The following HEPH variants were observed in gnomAD, a reference collection of about 807,000 sequenced individuals.
The protein encoded by HEPH is hephaestin.
HEPH carries 69 observed loss-of-function variants against 80.8 expected under a neutral mutation model. The observed-to-expected ratio is 0.85, with a 90% CI of 0.70 to 1.04. HEPH has a LOEUF of 1.04. Among genes scored for constraint, HEPH ranks in the 50% least tolerant of loss-of-function variants. The pLI is 0.00. For synonymous variants in HEPH, 431 were observed against 322.8 expected (o/e 1.34, Z -3.60); for missense variants, 1,115 against 891.3 (o/e 1.25, Z -3.20).
At chrX:66,186,926 A>G (rs2087485704) in intron 4 of HEPH, among the ~76,000 whole-genome samples, 1 of 110,510 alleles carries the variant, frequency 9.0e-6, no homozygotes, top group Non-Finnish European at 1.9e-5. Flanking sequence ...ATTTTTTCTT[A>G]TTCTTTTTTC....
At chrX:66,236,276 G>T (rs766283912) in intron 15 of HEPH, among the ~76,000 whole-genome samples, 1 of 111,369 alleles carries the variant, frequency 9.0e-6, no homozygotes, top group Non-Finnish European at 1.9e-5. Context: ...TTATTATTTT[G>T]AGATATGTTA....
chrX:66,163,496 A>T (rs2086250835), upstream of HEPH, among the ~76,000 whole-genome samples: 1 of 111,404 alleles, frequency 9.0e-6, no homozygotes. Context: ...TATAGTTAAT[A>T]TAAAATTTCA....
At chrX:66,183,900 T>C (rs1447991724) in intron 4 of HEPH, among the ~76,000 whole-genome samples, 1 of 14,063 alleles carries the variant, frequency 7.1e-5, no homozygotes, top group Non-Finnish European at 1.1e-4. Flanking sequence ...TGGTATGTGG[T>C]GTCTTTGTTC....
At chrX:66,164,241 C>A (rs781484906), upstream of HEPH, 10 of 752,060 alleles carry the variant, frequency 1.3e-5, no homozygotes, top group Middle Eastern at 7.4e-4. Context: ...CCCAGAGGAA[C>A]AGGACATTCC....
rs775805565 is a variant in HEPH, at chrX:66,170,936, G to A, written c.167+199G>A. On this transcript the variant is annotated intron_variant, in intron 2 of 20. Transcript: ENST00000343002. Reference sequence around the variant, plus strand: ...GCCAGCATTTCATCTGGAGTTTGCCGTAACATTTTTAGAGTCCTAAAGAGA... The same window carrying A: ...GCCAGCATTTCATCTGGAGTTTGCCATAACATTTTTAGAGTCCTAAAGAGA... 2.7e-5 allele frequency among the ~76,000 whole-genome samples: 3 copies of A among 111,458 alleles called. 1 individual carries two copies. The highest frequency in any genetic ancestry group is 5.7e-5 in the Non-Finnish European group (3 of 53,077).
chrX:66,245,064 G>A (rs891681545), intron 15 of HEPH, among the ~76,000 whole-genome samples: 31 of 111,284 alleles, frequency 2.8e-4, no homozygotes, highest in East Asian at 8.4e-4. Flanking sequence ...GGAAGAAACC[G>A]CATCAACTAA....
intron 6 of HEPH, among the ~76,000 whole-genome samples, chrX:66,191,682 A>G (rs1300426943): frequency 8.9e-6 from 1 of 112,082 alleles, no homozygotes; most frequent in Non-Finnish European, 1.9e-5. Flanking sequence ...ACAAATAATT[A>G]ACCCCTATTT....
chrX:66,255,346 CCTTAT>C (rs772898506), intron 16 of HEPH, among the ~76,000 whole-genome samples: 2 of 110,542 alleles, frequency 1.8e-5, no homozygotes, highest in South Asian at 7.9e-4. Flanking sequence ...AGATTTTCTT[CCTTAT>C]CTTTTCATTT....
At chrX:66,213,220 T>C (rs947702586) in intron 15 of HEPH, among the ~76,000 whole-genome samples, 2 of 106,949 alleles carry the variant, frequency 1.9e-5, no homozygotes, top group East Asian at 5.9e-4. Flanking sequence ...GAGTGTGATG[T>C]TCCCCTTCCT....
At chrX:66,212,186 GTTT>G (rs34500733) in intron 15 of HEPH, among the ~76,000 whole-genome samples, 15,990 of 93,782 alleles carry the variant, frequency 0.17, 1,450 homozygotes, top group African/African-American at 0.34. Flanking sequence ...TTTTTAATGT[GTTT>G]TTTTTTTTTT....
At chrX:66,209,606 G>T (rs180962097) in intron 15 of HEPH, among the ~76,000 whole-genome samples, 11 of 112,405 alleles carry the variant, frequency 9.8e-5, no homozygotes, top group East Asian at 2.8e-4. Flanking sequence ...AAAGGAAAAA[G>T]AATAGATTCT....
Position 66,193,499 on chromosome X carries a change from C to A in HEPH, c.1233-3C>A, listed in dbSNP as rs769277600. Reference sequence around the variant, plus strand: ...ATATCATATTTTCCTTTTTATACATCAGTATCTCAGATAAGTTTTTCCAGA... The same window carrying A: ...ATATCATATTTTCCTTTTTATACATAAGTATCTCAGATAAGTTTTTCCAGA... On this transcript the variant is annotated splice_region_variant and splice_polypyrimidine_tract_variant and intron_variant, in intron 7 of 20. Transcript: ENST00000343002. 2 of 1,163,435 alleles carry A rather than the reference C, an allele frequency of 1.7e-6. No homozygotes were observed. Among genetic ancestry groups the A allele is most frequent in the Non-Finnish European group, 2.3e-6 (2 of 862,529 alleles).
In HEPH at chrX:66,263,655, C is replaced by T; in HGVS notation, c.3211C>T (p.Pro1071Ser). ...TTCCCCCCAACCAGAACACTTAAGCCCTCTCACCGTCATCACCAAAGAGAC... is the reference window on the plus strand; with the variant it reads ...TTCCCCCCAACCAGAACACTTAAGCTCTCTCACCGTCATCACCAAAGAGAC... Reference protein sequence around the residue: ...TVFSRTEHLSPLTVITKETEK... With the variant: ...TVFSRTEHLSSLTVITKETEK... The change falls in exon 20 of 21, where the codon CCT (proline) becomes TCT (serine). Residue 1071 changes from proline (P) to serine (S), a missense_variant. This residue lies in a region of HEPH where 716 missense variants were observed against 523.5 expected (regional missense o/e 1.37). Transcript: ENST00000343002. The T allele has an allele frequency of 8.3e-7, 1 of 1,210,172 alleles. No individual in the cohort carries two copies. Among genetic ancestry groups the T allele is most frequent in the Non-Finnish European group, 1.1e-6 (1 of 894,507 alleles).
chrX:66,209,271 A>G lies in HEPH; in HGVS notation c.2563+1025A>G, dbSNP rs903007560. ...CAGGAATGGTTTTCCAGATTAGGTG[A>G]TATCTCAGCTGAGACCTAAATCAGT... On this transcript the variant is annotated intron_variant, in intron 15 of 20. Coordinates refer to ENST00000343002, the MANE Select transcript of HEPH (RefSeq NM_001367233.3). Among the ~76,000 whole-genome samples, 4 of 112,406 alleles carry G rather than the reference A, an allele frequency of 3.6e-5. No homozygotes were observed. In the Admixed American group the frequency reaches 3.8e-4, roughly 11 times the overall value.
At chrX:66,164,245 A>G (rs2086267679), upstream of HEPH, 79 of 752,276 alleles carry the variant, frequency 1.1e-4, no homozygotes, top group Non-Finnish European at 1.2e-4. Context: ...GAGGAACAGG[A>G]CATTCCAGTA....
intron 13 of HEPH, among the ~76,000 whole-genome samples, chrX:66,204,405 T>C (rs1013598467): frequency 8.9e-6 from 1 of 112,435 alleles, no homozygotes; most frequent in Non-Finnish European, 1.9e-5. Flanking sequence ...CACTACACTT[T>C]AGCAATTTTT....
intron 15 of HEPH, among the ~76,000 whole-genome samples, chrX:66,250,815 C>T: frequency 9.0e-6 from 1 of 111,596 alleles, no homozygotes. Context: ...CAACTTTTCA[C>T]TGTTAAAGGG....
intron 4 of HEPH, among the ~76,000 whole-genome samples, chrX:66,180,626 C>CTTT (rs750869732): frequency 6.2e-5 from 2 of 32,339 alleles, no homozygotes; most frequent in Non-Finnish European, 1.5e-4. Context: ...CCCAGGTGTT[C>CTTT]TTTTTTTTTT....
Position 66,180,288 on chromosome X carries a change from G to T in HEPH, c.625+6487G>T, listed in dbSNP as rs757711172. On this transcript the variant is annotated intron_variant, in intron 4 of 20. Coordinates refer to ENST00000343002, the MANE Select transcript of HEPH (RefSeq NM_001367233.3). Reference sequence around the variant, plus strand: ...TTTAGAGCTCCTTTTAGCAGTTCTTGTAGTGGTGGCTTGGTAGTGGCAAAT... The same window carrying T: ...TTTAGAGCTCCTTTTAGCAGTTCTTTTAGTGGTGGCTTGGTAGTGGCAAAT... Among the ~76,000 whole-genome samples the T allele has an allele frequency of 7.2e-5, 8 of 111,280 alleles. No individual in the cohort carries two copies. The South Asian group carries it at 3.0e-3, about 42-fold the overall frequency.
Sources: gnomAD v4.1 joint callset for allele counts (sites outside exome capture counted in the v4.1 genomes callset) on GRCh38, gnomAD v4.1.1 for gene constraint, gnomAD v4.1.1 regional missense constraint, MANE v1.5 for transcripts, NCBI Gene and HGNC (gene_info 2026-07-23, HGNC 2026-07-21) for gene names.